The following TRRAP variants were observed in gnomAD, a reference collection of about 807,000 sequenced individuals.
The protein encoded by TRRAP is transformation/transcription domain-associated protein.
TRRAP carries 41 observed loss-of-function variants against 438.8 expected under a neutral mutation model. That is an observed-to-expected ratio of 0.09 (90% CI 0.07 to 0.12). TRRAP has a LOEUF of 0.12. Ranked by LOEUF, TRRAP falls within the 10% of genes least tolerant of loss-of-function variation. The probability of loss-of-function intolerance (pLI) is 1.00; values close to 1 mark genes in which losing one functional copy is unlikely to be tolerated. For missense variants in TRRAP, 3,122 were observed against 5,055.1 expected, an observed-to-expected ratio of 0.62 and a Z score of 11.60; for synonymous variants, 1,994 against 1,962.9, an observed-to-expected ratio of 1.02 and a Z score of -0.42.
At position 98,948,784 on chromosome 7, in the gene TRRAP, G is replaced by T; in HGVS notation, c.4788+99G>T. On this transcript the variant is annotated intron_variant, in intron 35 of 72. Coordinates refer to ENST00000456197, the MANE Select transcript of TRRAP (RefSeq NM_001375524.1). This position sits in a 1 kb window ranked among gnomAD's most constrained non-coding sequence, Gnocchi z 4.9. The stretch of plus-strand genomic sequence containing the variant: ...TTCATATTTCACTATTCAGTGTCCT[G>T]GCTGCTTTTTTTTCAGATCCATTTG... 1 of 1,564,140 alleles carries T rather than the reference G, an allele frequency of 6.4e-7. No homozygotes were observed. The highest frequency in any genetic ancestry group is 8.6e-7 in the Non-Finnish European group (1 of 1,156,596).
At position 98,910,143 on chromosome 7, in the gene TRRAP, G is replaced by A. The variant is rs143892218; in HGVS notation, c.1438G>A (p.Val480Met). The change falls in exon 15 of 73, where the codon GTG (valine) becomes ATG (methionine). Residue 480 changes from valine to methionine, a missense_variant. This residue lies in a region of TRRAP where 115 missense variants were observed against 124.6 expected (regional missense o/e 0.92). Coordinates refer to ENST00000456197, the MANE Select transcript of TRRAP (RefSeq NM_001375524.1). ...TAAGCCTCAGTCAGAACTTGGAGCC[G>A]TGGAAGCAGCTCTGCCTGGGGTGCC... is the stretch of plus-strand genomic sequence containing the variant. ...KCKPQSELGAVEAALPGVPTA... is the reference protein window; with the variant it reads ...KCKPQSELGAMEAALPGVPTA... 82 of 1,612,098 alleles carry A rather than the reference G, an allele frequency of 5.1e-5. No individual in the cohort carries two copies. The highest frequency in any genetic ancestry group is 2.2e-4 in the East Asian group (10 of 44,894).
At position 98,959,407 on chromosome 7, in the gene TRRAP, C is replaced by T. The variant is rs1405083768; in HGVS notation, c.6406C>T (p.Leu2136Phe). 1 of 1,614,080 alleles carries T rather than the reference C, an allele frequency of 6.2e-7. No homozygotes were observed. Among genetic ancestry groups the T allele is most frequent in the African/African-American group, 1.3e-5 (1 of 74,996 alleles). The change falls in exon 45 of 73, where the codon CTT (leucine) becomes TTT (phenylalanine). Residue 2136 changes from leucine (L) to phenylalanine (F), a missense_variant. Around this residue, in one of 24 missense-constraint regions of TRRAP, gnomAD observed 992 missense variants for 1,281.2 expected, o/e 0.77. Transcript: ENST00000456197. ...GGTGCTCTCTCGCCGGTGTGTGAAC[C>T]TTCTGAAGACTGCGTTGCGGCCAGA... Reference protein sequence around the residue: ...GEVLSRRCVNLLKTALRPDMW... With the variant: ...GEVLSRRCVNFLKTALRPDMW...
chr7:99,000,544 G>T (rs1258877892), intron 67 of TRRAP, among the ~76,000 whole-genome samples: 1 of 152,210 alleles, frequency 6.6e-6, no homozygotes, highest in Non-Finnish European at 1.5e-5. Flanking sequence ...CACACTCTGC[G>T]CACTCCAGCC....
rs1554408570 is a variant in TRRAP at position 98,910,577 on chromosome 7, A to G, written c.1782A>G (p.Lys594=). The change falls in exon 16 of 73, where the codon AAA becomes AAG. Residue 594 remains lysine, a synonymous_variant. Coordinates refer to ENST00000456197, the MANE Select transcript of TRRAP (RefSeq NM_001375524.1). The part of the protein sequence containing the change: ...KETQIYIKLV[K]YAMQALDIYQ... ...CACAGATTTACATCAAACTTGTGAA[A>G]TATGCAATGCAAGCTTTAGATATTT... 1 of 1,613,940 alleles carries G rather than the reference A, an allele frequency of 6.2e-7. No homozygotes were observed. Among genetic ancestry groups the G allele is most frequent in the Admixed American group, 1.7e-5 (1 of 59,982 alleles).
intron 20 of TRRAP, among the ~76,000 whole-genome samples, chr7:98,920,636 A>G (rs888965027): frequency 2.0e-5 from 3 of 152,196 alleles, no homozygotes; most frequent in South Asian, 2.1e-4. Context: ...ATTCTTTTCC[A>G]TAGTCCTGTA....
intron 7 of TRRAP, among the ~76,000 whole-genome samples, chr7:98,896,897 C>G (rs1246760198): frequency 9.9e-5 from 15 of 151,980 alleles, no homozygotes; most frequent in African/African-American, 3.6e-4. Flanking sequence ...ACCCCAAATC[C>G]ACTGAGAGCG....
At chr7:98,889,554 TTA>T (rs1473558145) in intron 3 of TRRAP, among the ~76,000 whole-genome samples, 6 of 55,058 alleles carry the variant, frequency 1.1e-4, no homozygotes, top group Non-Finnish European at 3.7e-4. Context: ...TTTTTTTTTT[TTA>T]AAAAAAATAG....
At position 98,956,625 on chromosome 7, in the gene TRRAP, G is replaced by C; in HGVS notation, c.6231+92G>C. ...ATTTAGAATGTGAGCTCGGTGCTCA[G>C]CTGCATTCAGGAGAGGAAGCTGGGA... On this transcript the variant is annotated intron_variant, in intron 43 of 72. Coordinates refer to ENST00000456197, the MANE Select transcript of TRRAP (RefSeq NM_001375524.1). The surrounding 1 kb of genome is among the most constrained non-coding windows in gnomAD (Gnocchi z 4.5). 6.6e-7 allele frequency: 1 copy of C among 1,519,188 alleles called. No individual in the cohort carries two copies. Among genetic ancestry groups the C allele is most frequent in the Non-Finnish European group, 8.8e-7 (1 of 1,137,728 alleles). 94.1% of individuals were successfully genotyped at this position (1,519,188 alleles called of 1,614,324 possible). A position where few individuals can be genotyped will look rare whatever the true frequency, so the allele number is the denominator to read the frequency against.
Position 98,910,604 on chromosome 7 carries a change from T to C in TRRAP, c.1809T>C (p.Tyr603=), listed in dbSNP as rs34648627. The C allele has an allele frequency of 8.7e-3, 13,980 of 1,612,542 alleles. 84 individuals carry two copies. The highest frequency in any genetic ancestry group is 0.01 in the Non-Finnish European group (11,834 of 1,179,340). Residue 603 remains tyrosine, a synonymous_variant, in exon 16 of 73, where the codon TAT becomes TAC. Coordinates refer to ENST00000456197, the MANE Select transcript of TRRAP (RefSeq NM_001375524.1). The part of the protein sequence containing the change: ...VKYAMQALDI[Y]QVQIAGNGQT... Reference sequence around the variant, plus strand: ...ATGCAATGCAAGCTTTAGATATTTATCAGGTAAGGAAGTGCCCTCCAGCCA... The same window carrying C: ...ATGCAATGCAAGCTTTAGATATTTACCAGGTAAGGAAGTGCCCTCCAGCCA...
At chr7:98,950,573 C>A (rs1791288479) in intron 38 of TRRAP, among the ~76,000 whole-genome samples, 1 of 152,172 alleles carries the variant, frequency 6.6e-6, no homozygotes, top group Non-Finnish European at 1.5e-5. Context: ...AGTGCCGTTG[C>A]TCAGGAGCGT....
At chr7:98,945,476 T>C (rs1345283591) in intron 31 of TRRAP, among the ~76,000 whole-genome samples, 1 of 152,246 alleles carries the variant, frequency 6.6e-6, no homozygotes, top group Non-Finnish European at 1.5e-5. Context: ...TTTCTCCCCT[T>C]TCACAAGAAT....
At chr7:98,937,915 C>G (rs1166187232) in intron 30 of TRRAP, 95 bp downstream of exon 30, 2 of 1,356,772 alleles carry the variant, frequency 1.5e-6, no homozygotes, top group African/African-American at 3.0e-5. Flanking sequence ...TGGTTCACGC[C>G]TGTAATCCCA....
intron 46 of TRRAP, 122 bp from the exon 47 acceptor site, chr7:98,962,180 G>A (rs1791926067): frequency 1.4e-6 from 2 of 1,456,776 alleles, no homozygotes; most frequent in African/African-American, 1.4e-5. Context: ...CTGTCCTGCA[G>A]GGAGAGAAGT....
chr7:98,995,842 A>G (rs935935316), intron 67 of TRRAP, among the ~76,000 whole-genome samples: 1 of 150,306 alleles, frequency 6.7e-6, no homozygotes, highest in Non-Finnish European at 1.5e-5. Context: ...GTCCCATCAT[A>G]GACACCTACA....
intron 19 of TRRAP, among the ~76,000 whole-genome samples, 195 bp from the exon 20 acceptor site, chr7:98,917,228 A>G (rs1349975783): frequency 2.0e-5 from 3 of 152,306 alleles, no homozygotes; most frequent in East Asian, 3.9e-4. Flanking sequence ...CATACGGCCT[A>G]CTGTTACCAC....
chr7:98,975,669 C>G (rs770878781), intron 53 of TRRAP, among the ~76,000 whole-genome samples: 1 of 152,208 alleles, frequency 6.6e-6, no homozygotes. Context: ...TGCCTCTTGT[C>G]CACTGCAGAT....
At chr7:98,982,708 G>A (rs555307489) in intron 59 of TRRAP, among the ~76,000 whole-genome samples, 4 of 152,238 alleles carry the variant, frequency 2.6e-5, no homozygotes, top group South Asian at 2.1e-4. Flanking sequence ...TGCCAACAGC[G>A]CATCTGGAAT....
At chr7:99,002,138 T>TGGGGGGG (rs1584412002) in intron 67 of TRRAP, among the ~76,000 whole-genome samples, 1 of 31,388 alleles carries the variant, frequency 3.2e-5, no homozygotes, top group Admixed American at 3.2e-4. Context: ...GGTGGGGTGG[T>TGGGGGGG]GGGGGTGGGT....
At chr7:98,983,197 T>C (rs2116761395) in intron 59 of TRRAP, 67 bp from the exon 60 acceptor site, 2 of 1,414,296 alleles carry the variant, frequency 1.4e-6, no homozygotes, top group Non-Finnish European at 9.6e-7. Context: ...CAATGGACTC[T>C]GGTGTGTTTT....
Sources: allele counts gnomAD v4.1 joint callset (sites outside exome capture counted in the v4.1 genomes callset), GRCh38; gene constraint gnomAD v4.1.1; regional missense constraint gnomAD v4.1.1; non-coding constraint Gnocchi (gnomAD v3.1); transcripts MANE v1.5; gene names NCBI Gene and HGNC (gene_info 2026-07-23, HGNC 2026-07-21).